The following EDEM3 variants were observed in gnomAD, a reference collection of about 807,000 sequenced individuals.
EDEM3 encodes ER degradation-enhancing alpha-mannosidase-like protein 3.
A neutral mutation model predicts 110.2 loss-of-function variants in EDEM3; 60 were observed. The observed-to-expected ratio is 0.54, with a 90% confidence interval of 0.44 to 0.67. The LOEUF (loss-of-function observed/expected upper bound fraction) is 0.67. Among genes scored for constraint, EDEM3 ranks in the 30% least tolerant of loss-of-function variants. The pLI is 0.00. For synonymous variants in EDEM3, 352 were observed against 382.9 expected, an observed-to-expected ratio of 0.92 and a Z score of 0.94; for missense variants, 996 against 1,121.0, an observed-to-expected ratio of 0.89 and a Z score of 1.59.
chr1:184,751,269 C>T (rs1417748673), intron 1 of EDEM3, among the ~76,000 whole-genome samples: 1 of 151,690 alleles, frequency 6.6e-6, no homozygotes, highest in African/African-American at 2.4e-5. Context: ...CTTTCAGGAA[C>T]TCATATCAAT....
intron 7 of EDEM3, among the ~76,000 whole-genome samples, chr1:184,725,145 C>T (rs1461380303): frequency 6.6e-6 from 1 of 152,198 alleles, no homozygotes; most frequent in Non-Finnish European, 1.5e-5. Flanking sequence ...ACTGCATCTT[C>T]TCTGACAACA....
At chr1:184,737,536 A>G in intron 3 of EDEM3, 75 bp downstream of exon 3, 2 of 1,359,778 alleles carry the variant, frequency 1.5e-6, no homozygotes, top group Non-Finnish European at 2.1e-6. Context: ...AAATATTATT[A>G]TATGTAAACT....
At position 184,690,294 on chromosome 1, in the gene EDEM3, C is replaced by T. The variant is rs563076370; in HGVS notation, c.*3769G>A. 3 of 152,228 alleles carry T rather than the reference C, an allele frequency of 2.0e-5. No individual in the cohort carries two copies. Among genetic ancestry groups the T allele is most frequent in the African/African-American group, 7.3e-5 (3 of 41,372 alleles). 9.4% of individuals were successfully genotyped at this position (152,228 alleles called of 1,614,324 possible). ...GCATTACCTTTGTGCATGCTACTGA[C>T]TTGTTGAAAAACTTTCAGTGATTTC... On this transcript the variant is annotated 3_prime_UTR_variant, in exon 20 of 20. Coordinates refer to ENST00000318130, the MANE Select transcript of EDEM3 (RefSeq NM_025191.4).
chr1:184,705,955 A>C (rs535067083), intron 18 of EDEM3, among the ~76,000 whole-genome samples: 2 of 152,306 alleles, frequency 1.3e-5, no homozygotes, highest in East Asian at 3.9e-4. Flanking sequence ...GTAACTTGTC[A>C]TTTCGGTAGA....
chr1:184,741,800 T>C (rs1476989445), intron 2 of EDEM3, among the ~76,000 whole-genome samples: 2 of 152,240 alleles, frequency 1.3e-5, no homozygotes, highest in Admixed American at 1.3e-4. Context: ...GGTTAGGCTG[T>C]CTTTTGCCTT....
intron 2 of EDEM3, among the ~76,000 whole-genome samples, chr1:184,744,969 G>GT (rs1330812221): frequency 2.0e-5 from 3 of 152,030 alleles, no homozygotes; most frequent in African/African-American, 7.2e-5. Flanking sequence ...GGCGTCAGAG[G>GT]TGGGGAGAAG....
At chr1:184,732,743 A>G in intron 6 of EDEM3, 94 bp downstream of exon 6, 1 of 1,275,150 alleles carries the variant, frequency 7.8e-7, no homozygotes, top group Non-Finnish European at 1.1e-6. Flanking sequence ...TTCAGCCTCA[A>G]GCTGGTGAAG....
chr1:184,734,763 A>G, intron 4 of EDEM3, 120 bp from the exon 5 acceptor site: 1 of 350,750 alleles, frequency 2.9e-6, no homozygotes, highest in Non-Finnish European at 5.3e-6. Context: ...TACACAAATA[A>G]TATTTCTAAG....
intron 2 of EDEM3, among the ~76,000 whole-genome samples, chr1:184,741,302 G>A (rs1571414865): frequency 2.0e-5 from 3 of 152,180 alleles, no homozygotes; most frequent in Admixed American, 2.0e-4. Flanking sequence ...GGGAGGCTGA[G>A]GCAGGAGAAT....
chr1:184,744,400 A>C (rs1652314870), intron 2 of EDEM3, among the ~76,000 whole-genome samples: 1 of 151,240 alleles, frequency 6.6e-6, no homozygotes, highest in Non-Finnish European at 1.5e-5. Context: ...GAATGGCTGA[A>C]ATTAGTAAGA....
At chr1:184,737,579 G>C (rs1412727339) in intron 3 of EDEM3, 32 bp downstream of exon 3, 1 of 1,599,046 alleles carries the variant, frequency 6.3e-7, no homozygotes, top group African/African-American at 1.3e-5. Flanking sequence ...GGAACTCTGA[G>C]ATGCCATGCC....
chr1:184,748,747 G>A (rs1025914552), intron 2 of EDEM3, among the ~76,000 whole-genome samples: 5 of 152,142 alleles, frequency 3.3e-5, no homozygotes, highest in African/African-American at 1.2e-4. Flanking sequence ...GATAAAAAAT[G>A]GATTCACAGA....
rs75988702 is a variant in EDEM3 at position 184,713,496 on chromosome 1, T to C, written c.1371-898A>G. 4.1e-4 allele frequency among the ~76,000 whole-genome samples: 62 copies of C among 152,342 alleles called. No individual in the cohort carries two copies. The East Asian group carries it at 7.3e-3, about 18-fold the overall frequency. On this transcript the variant is annotated intron_variant, in intron 13 of 19. Transcript: ENST00000318130. ...AAAGCATAGCTGGTAGATGGAGTCA[T>C]AGTAACATCAAATTTAATTCACTAC...
intron 9 of EDEM3, chr1:184,721,084 A>T (rs1650874361): frequency 4.4e-6 from 2 of 454,014 alleles, no homozygotes; most frequent in Non-Finnish European, 7.8e-6. Flanking sequence ...ATAAAAGGTG[A>T]AAATAAAACT....
Position 184,737,623 on chromosome 1 carries a change from T to C in EDEM3, c.293A>G (p.Asp98Gly). 6.2e-7 allele frequency: 1 copy of C among 1,613,990 alleles called. No individual in the cohort carries two copies. The highest frequency in any genetic ancestry group is 8.5e-7 in the Non-Finnish European group (1 of 1,179,868). ...TGTTAATACTCACTTTCCCAAGGCA[T>C]CATCAACGTCACCGCGACTTGGCTC... ...GQEPSRGDVD[D>G]ALGKFSLTLI... Residue 98 changes from aspartate (D) to glycine (G), a missense_variant, in exon 3 of 20, where the codon GAT (aspartate) becomes GGT (glycine). Asp to Gly is a moderately conservative substitution (Grantham distance 94). Around this residue, in one of 5 missense-constraint regions of EDEM3, gnomAD observed 200 missense variants for 183.8 expected, o/e 1.09. Coordinates refer to ENST00000318130, the MANE Select transcript of EDEM3 (RefSeq NM_025191.4).
intron 6 of EDEM3, among the ~76,000 whole-genome samples, chr1:184,730,432 T>TA (rs1252060624): frequency 1.3e-5 from 2 of 151,874 alleles, no homozygotes; most frequent in East Asian, 3.9e-4. Flanking sequence ...AAATTTTTTT[T>TA]AAAAATCAGC....
At position 184,706,730 on chromosome 1, in the gene EDEM3, T is replaced by C; in HGVS notation, c.2116A>G (p.Ile706Val). The change falls in exon 18 of 20, where the codon ATC becomes GTC. Residue 706 changes from isoleucine (I) to valine (V), a missense_variant. Physicochemically the swap from Ile to Val is conservative, Grantham distance 29 (BLOSUM62 3). Around this residue, in one of 5 missense-constraint regions of EDEM3, gnomAD observed 345 missense variants for 402.0 expected, o/e 0.86. Transcript: ENST00000318130. ...LTNPEAVMGK[I>V]ALIQRGQCMF... is the part of the protein sequence containing the mutation. ...CACTGTCCTCTTTGTATCAGTGCGA[T>C]TTTTCCCATCACTGCCTCTGGGTTA... 25 of 1,613,972 alleles carry C rather than the reference T, an allele frequency of 1.5e-5. No individual in the cohort carries two copies. Among genetic ancestry groups the C allele is most frequent in the Non-Finnish European group, 2.1e-5 (25 of 1,179,906 alleles).
chr1:184,713,244 G>A (rs150187219), intron 13 of EDEM3, among the ~76,000 whole-genome samples: 101 of 152,088 alleles, frequency 6.6e-4, no homozygotes, highest in African/African-American at 2.4e-3. Context: ...TCCAGCCTGG[G>A]TGACAGAGCA....
chr1:184,741,660 T>C (rs1558069977), intron 2 of EDEM3, among the ~76,000 whole-genome samples: 2 of 152,230 alleles, frequency 1.3e-5, no homozygotes, highest in Non-Finnish European at 2.9e-5. Flanking sequence ...ACAGCATTTT[T>C]CTAAGGCTTC....
Sources: gnomAD v4.1 joint callset for allele counts (sites outside exome capture counted in the v4.1 genomes callset) on GRCh38, gnomAD v4.1.1 for gene constraint, gnomAD v4.1.1 regional missense constraint, MANE v1.5 for transcripts, NCBI Gene and HGNC (gene_info 2026-07-23, HGNC 2026-07-21) for gene names.